RANBP17: variants seen among roughly 807,000 people sequenced by gnomAD.
RANBP17 encodes the protein ran-binding protein 17.
In RANBP17, 158 loss-of-function variants were observed where a neutral mutation model predicts 141.2. The observed-to-expected ratio is 1.12, with a 90% CI of 0.98 to 1.28. The LOEUF (loss-of-function observed/expected upper bound fraction) is 1.28. Ranked by LOEUF, RANBP17 falls within the 50% of genes most tolerant of loss-of-function variation. The pLI is 0.00. For synonymous variants in RANBP17, 430 were observed against 450.0 expected (o/e 0.96, Z 0.56); for missense variants, 1,438 against 1,290.7 (o/e 1.11, Z -1.75).
intron 27 of RANBP17, 45 bp from the exon 28 acceptor site, chr5:171,298,717 C>A (rs1208781993): frequency 6.7e-7 from 1 of 1,483,316 alleles, no homozygotes; most frequent in Admixed American, 1.7e-5. Context: ...TTCATGGAGG[C>A]TTTGCCTCAT....
intron 14 of RANBP17, among the ~76,000 whole-genome samples, chr5:171,012,109 T>C (rs1006623848): frequency 1.3e-5 from 2 of 151,862 alleles, no homozygotes; most frequent in Non-Finnish European, 2.9e-5. Flanking sequence ...ATAATACATT[T>C]GTTTAAACAA....
chr5:170,923,105 T>C (rs1418443128), intron 11 of RANBP17, among the ~76,000 whole-genome samples: 1 of 152,226 alleles, frequency 6.6e-6, no homozygotes, highest in Non-Finnish European at 1.5e-5. Flanking sequence ...GATTTTTCTT[T>C]TATTTTCCCT....
chr5:171,125,327 G>A (rs1261635304), intron 14 of RANBP17, among the ~76,000 whole-genome samples: 2 of 145,668 alleles, frequency 1.4e-5, no homozygotes, highest in Non-Finnish European at 3.0e-5. Context: ...AAAGTGAAGG[G>A]ATGGAAAAAG....
intron 14 of RANBP17, among the ~76,000 whole-genome samples, chr5:170,994,434 G>A (rs931004474): frequency 6.6e-6 from 1 of 151,992 alleles, no homozygotes; most frequent in East Asian, 1.9e-4. Flanking sequence ...TTAATTTGTA[G>A]GGATGAGGTA....
intron 24 of RANBP17, among the ~76,000 whole-genome samples, chr5:171,264,226 G>GA (rs1321582421): frequency 6.6e-6 from 1 of 152,150 alleles, no homozygotes; most frequent in African/African-American, 2.4e-5. Flanking sequence ...TGATACAGTG[G>GA]ACTCTGGGGA....
At chr5:171,298,716 G>GC in intron 27 of RANBP17, 46 bp from the exon 28 acceptor site, 2 of 1,475,914 alleles carry the variant, frequency 1.4e-6, no homozygotes, top group Non-Finnish European at 1.9e-6. Context: ...ATTCATGGAG[G>GC]CTTTGCCTCA....
rs781420538 is a variant in RANBP17 at position 171,205,521 on chromosome 5, C to T, written c.2143-3C>T. 1 of 1,613,034 alleles carries T rather than the reference C, an allele frequency of 6.2e-7. No individual in the cohort carries two copies. The highest frequency in any genetic ancestry group is 1.1e-5 in the South Asian group (1 of 91,050). On this transcript the variant is annotated splice_polypyrimidine_tract_variant and splice_region_variant and intron_variant, in intron 19 of 27. Transcript: ENST00000523189. ...AATTACTGTGTCTCTTTCCCACTGA[C>T]AGCGTATGTTGATCGGGCTGGCAAG...
chr5:170,994,685 C>T (rs1778707505), intron 14 of RANBP17, among the ~76,000 whole-genome samples: 1 of 151,954 alleles, frequency 6.6e-6, no homozygotes, highest in Non-Finnish European at 1.5e-5. Flanking sequence ...CTTTTCAATA[C>T]CCTCTAGTAG....
At chr5:171,011,382 C>T (rs1780022122) in intron 14 of RANBP17, among the ~76,000 whole-genome samples, 1 of 151,686 alleles carries the variant, frequency 6.6e-6, no homozygotes, top group Non-Finnish European at 1.5e-5. Context: ...TCCCTTAGTA[C>T]TTGTATAATG....
At chr5:170,891,268 C>T (rs1769570118) in intron 3 of RANBP17, among the ~76,000 whole-genome samples, 1 of 152,138 alleles carries the variant, frequency 6.6e-6, no homozygotes, top group Non-Finnish European at 1.5e-5. Flanking sequence ...AAGCATAGTA[C>T]AATAAATATG....
rs201894335 is a variant in RANBP17 at position 171,263,213 on chromosome 5, T to TAAA, written c.2777-2466_2777-2465insAAA. Among the ~76,000 whole-genome samples, 133 of 152,350 alleles carry TAAA rather than the reference T, an allele frequency of 8.7e-4. 1 individual carries two copies. The East Asian group carries it at 0.011, about 12-fold the overall frequency. ...AGAAACTACTCCCTTAGGAAGTTTATAATCTGCTTCCCAACCCTACTCTTT... is the reference window on the plus strand; with the variant it reads ...AGAAACTACTCCCTTAGGAAGTTTATAAAAATCTGCTTCCCAACCCTACTCTTT... On this transcript the variant is annotated intron_variant, in intron 24 of 27. Coordinates refer to ENST00000523189, the MANE Select transcript of RANBP17 (RefSeq NM_022897.5).
intron 25 of RANBP17, among the ~76,000 whole-genome samples, chr5:171,277,818 A>G (rs1339043330): frequency 2.7e-5 from 4 of 150,058 alleles, no homozygotes; most frequent in African/African-American, 7.3e-5. Flanking sequence ...GTACAGTACT[A>G]TTAACTAACT....
At chr5:171,292,949 G>A (rs915939515) in intron 25 of RANBP17, among the ~76,000 whole-genome samples, 2 of 152,108 alleles carry the variant, frequency 1.3e-5, no homozygotes, top group African/African-American at 4.8e-5. Context: ...TTCCAGTCTG[G>A]CACTGGCGTC....
intron 14 of RANBP17, among the ~76,000 whole-genome samples, chr5:171,158,986 A>G (rs1759101284): frequency 6.6e-6 from 1 of 152,232 alleles, no homozygotes; most frequent in South Asian, 2.1e-4. Context: ...AATGCAGTTT[A>G]TCTTCAACCT....
chr5:170,943,804 C>T lies in RANBP17; in HGVS notation c.1469-9793C>T, dbSNP rs76258800. Among the ~76,000 whole-genome samples, 872 of 152,158 alleles carry T rather than the reference C, an allele frequency of 5.7e-3. 7 individuals carry two copies. Among genetic ancestry groups the T allele is most frequent in the Non-Finnish European group, 1.0e-2 (679 of 67,990 alleles). On this transcript the variant is annotated intron_variant, in intron 12 of 27. Coordinates refer to ENST00000523189, the MANE Select transcript of RANBP17 (RefSeq NM_022897.5). ...GTACGGCATGATGTTTTGATAAATACGTAGCGAAATGACTACTACAGTCAG... is the reference window on the plus strand; with the variant it reads ...GTACGGCATGATGTTTTGATAAATATGTAGCGAAATGACTACTACAGTCAG...
chr5:171,141,153 A>G (rs1047905331), intron 14 of RANBP17, among the ~76,000 whole-genome samples: 3 of 152,168 alleles, frequency 2.0e-5, no homozygotes, highest in African/African-American at 7.2e-5. Context: ...CTAAAAATAA[A>G]TGTGTCAGAG....
intron 14 of RANBP17, among the ~76,000 whole-genome samples, chr5:171,054,736 C>T (rs1226359916): frequency 1.3e-5 from 2 of 152,156 alleles, no homozygotes; most frequent in Admixed American, 6.5e-5. Context: ...TACCCAGCCC[C>T]TATTCAAGAT....
At chr5:171,011,973 C>A (rs1308032792) in intron 14 of RANBP17, among the ~76,000 whole-genome samples, 1 of 151,260 alleles carries the variant, frequency 6.6e-6, no homozygotes, top group Non-Finnish European at 1.5e-5. Context: ...TGTAGAAAGT[C>A]GTACTATTTG....
Position 171,124,052 on chromosome 5 carries a change from G to A in RANBP17, c.1711-46078G>A, listed in dbSNP as rs143951721. ...CCCAAAAAAAGAAAATCTGTAAAATGCCTTAAAAAGAGTTCAAAATAATGA... is the reference window on the plus strand; with the variant it reads ...CCCAAAAAAAGAAAATCTGTAAAATACCTTAAAAAGAGTTCAAAATAATGA... On this transcript the variant is annotated intron_variant, in intron 14 of 27. Coordinates refer to ENST00000523189, the MANE Select transcript of RANBP17 (RefSeq NM_022897.5). Among the ~76,000 whole-genome samples, 91 of 152,164 alleles carry A rather than the reference G, an allele frequency of 6.0e-4. 1 individual carries two copies. The highest frequency in any genetic ancestry group is 6.8e-3 in the Middle Eastern group (2 of 294).
Sources: gnomAD v4.1 joint callset for allele counts (sites outside exome capture counted in the v4.1 genomes callset) on GRCh38, gnomAD v4.1.1 for gene constraint, MANE v1.5 for transcripts, NCBI Gene and HGNC (gene_info 2026-07-23, HGNC 2026-07-21) for gene names.